MICAL3: variants seen among roughly 807,000 people sequenced by gnomAD.
MICAL3 encodes the protein microtubule associated monooxygenase, calponin and LIM domain containing 3.
In MICAL3, 62 loss-of-function variants were observed where a neutral mutation model predicts 207.4. The observed-to-expected ratio is 0.30, with a 90% CI of 0.24 to 0.37. The LOEUF (loss-of-function observed/expected upper bound fraction) is 0.37. Among genes scored for constraint, MICAL3 ranks in the 10% least tolerant of loss-of-function variants. The pLI is 1.00. For missense variants in MICAL3, 2,368 were observed against 2,635.6 expected, an observed-to-expected ratio of 0.90 and a Z score of 2.22; for synonymous variants, 1,077 against 1,069.3, an observed-to-expected ratio of 1.01 and a Z score of -0.14.
chr22:17,946,622 C>A (rs1406515824), intron 1 of MICAL3, among the ~76,000 whole-genome samples: 1 of 152,188 alleles, frequency 6.6e-6, no homozygotes, highest in East Asian at 1.9e-4. Context: ...GGACACATCC[C>A]CAAAGTACCA....
At chr22:17,885,216 T>C (rs1024705343) in intron 16 of MICAL3, among the ~76,000 whole-genome samples, 4 of 151,802 alleles carry the variant, frequency 2.6e-5, no homozygotes, top group Non-Finnish European at 5.9e-5. Flanking sequence ...CCTAGGAAAA[T>C]ATCCCGGGAA....
chr22:18,020,507 A>C (rs1034317198), intron 1 of MICAL3, among the ~76,000 whole-genome samples: 1 of 151,542 alleles, frequency 6.6e-6, no homozygotes, highest in Non-Finnish European at 1.5e-5. Flanking sequence ...TGTAATCATC[A>C]AAATATATTG....
At chr22:17,822,509 T>A (rs1921758908) in intron 23 of MICAL3, among the ~76,000 whole-genome samples, 1 of 152,232 alleles carries the variant, frequency 6.6e-6, no homozygotes, top group South Asian at 2.1e-4. Flanking sequence ...GGCCCACTTC[T>A]ATGCACCTCC....
chr22:18,018,768 C>CACACACACACACAAACACACA (rs1569169310), intron 1 of MICAL3, among the ~76,000 whole-genome samples: 2 of 138,286 alleles, frequency 1.4e-5, no homozygotes, highest in African/African-American at 5.3e-5. Context: ...ATCTATCTAT[C>CACACACACACACAAACACACA]TACACACACA....
intron 1 of MICAL3, among the ~76,000 whole-genome samples, chr22:17,972,002 A>C (rs932599131): frequency 1.3e-5 from 2 of 152,260 alleles, no homozygotes; most frequent in African/African-American, 2.4e-5. Context: ...AAGGCCAGGC[A>C]AGGCCTCTTA....
Position 17,866,126 on chromosome 22 carries a change from G to A in MICAL3, c.2429-114C>T, listed in dbSNP as rs1927081869. The A allele has an allele frequency of 3.9e-6, 3 of 770,804 alleles. No individual in the cohort carries two copies. In the South Asian group the frequency reaches 4.5e-5, roughly 11 times the overall value. 47.7% of individuals were successfully genotyped at this position (770,804 alleles called of 1,614,324 possible). Reference sequence around the variant, plus strand: ...TCCTCCAGCCTCACAAGGCCATCAAGCCACCCAGCCTTCCCTGGGCCCAGC... The same window carrying A: ...TCCTCCAGCCTCACAAGGCCATCAAACCACCCAGCCTTCCCTGGGCCCAGC... On this transcript the variant is annotated intron_variant, in intron 17 of 31. Transcript: ENST00000441493.
chr22:17,854,503 G>A (rs1260270556), intron 19 of MICAL3, among the ~76,000 whole-genome samples: 2 of 152,082 alleles, frequency 1.3e-5, no homozygotes, highest in Admixed American at 1.3e-4. Flanking sequence ...GTACATGGAG[G>A]ACCAACCGAG....
intron 16 of MICAL3, chr22:17,875,535 C>T (rs5992882): frequency 0.015 from 23,266 of 1,551,126 alleles, 238 homozygotes; most frequent in African/African-American, 0.047. Context: ...AAAAAATCGA[C>T]GAGGAGGTTC....
At chr22:17,848,377 A>ACAC (rs1417863439) in intron 19 of MICAL3, among the ~76,000 whole-genome samples, 1 of 152,246 alleles carries the variant, frequency 6.6e-6, no homozygotes, top group Non-Finnish European at 1.5e-5. Context: ...AACGGGGATG[A>ACAC]CACCACGTGA....
intron 1 of MICAL3, among the ~76,000 whole-genome samples, chr22:17,954,023 C>T (rs1381612997): frequency 1.4e-5 from 2 of 146,748 alleles, no homozygotes; most frequent in African/African-American, 5.0e-5. Flanking sequence ...AAACGGCATT[C>T]TGGGGAAGCA....
chr22:17,828,121 G>A (rs76327527), intron 21 of MICAL3, among the ~76,000 whole-genome samples: 1,890 of 152,284 alleles, frequency 0.012, 41 homozygotes, highest in African/African-American at 0.044. Context: ...CACCAAGATG[G>A]AAAAAGAGCA....
chr22:17,839,113 G>A (rs1022373166), intron 20 of MICAL3, among the ~76,000 whole-genome samples: 5 of 149,386 alleles, frequency 3.3e-5, no homozygotes, highest in African/African-American at 4.9e-5. Context: ...AGGCAGGTCC[G>A]GATAATTTTC....
At chr22:17,914,797 C>T (rs1258295021) in intron 1 of MICAL3, among the ~76,000 whole-genome samples, 1 of 152,224 alleles carries the variant, frequency 6.6e-6, no homozygotes. Context: ...GCAACTAAAA[C>T]AGTGCTAACA....
At position 17,808,862 on chromosome 22, in the gene MICAL3, C is replaced by A; in HGVS notation, c.5632G>T (p.Ala1878Ser). The part of the protein sequence containing the change: ...LEERGVAVEK[A>S]LRGEAGMGKK... ...GCAGTACCTGCTTCGCCCCGGAGCG[C>A]CTTCTCCACAGCCACGCCCCTTTCC... The change falls in exon 29 of 32, where the codon GCG (alanine) becomes TCG (serine). Residue 1878 changes from alanine to serine, a missense_variant. Around this residue, in one of 4 missense-constraint regions of MICAL3, gnomAD observed 1,770 missense variants for 1,863.2 expected, o/e 0.95. Coordinates refer to ENST00000441493, the MANE Select transcript of MICAL3 (RefSeq NM_015241.3). 1.3e-6 allele frequency: 2 copies of A among 1,553,034 alleles called. No homozygotes were observed. The highest frequency in any genetic ancestry group is 1.7e-6 in the Non-Finnish European group (2 of 1,148,044).
At chr22:17,989,684 G>C (rs1363545272) in intron 1 of MICAL3, among the ~76,000 whole-genome samples, 1 of 152,106 alleles carries the variant, frequency 6.6e-6, no homozygotes, top group African/African-American at 2.4e-5. Context: ...ATGGTCACAG[G>C]TTCAAACCCC....
chr22:17,930,851 A>G (rs955176265), intron 1 of MICAL3, among the ~76,000 whole-genome samples: 6 of 151,998 alleles, frequency 3.9e-5, no homozygotes, highest in Non-Finnish European at 7.4e-5. Context: ...AGCCTGCCCC[A>G]CTCTCCACAC....
intron 1 of MICAL3, among the ~76,000 whole-genome samples, chr22:17,994,499 G>A (rs527253677): frequency 2.1e-4 from 32 of 152,330 alleles, no homozygotes; most frequent in Non-Finnish European, 4.0e-4. Context: ...GATCACCTGA[G>A]CCCAGCAGTT....
At chr22:18,003,268 C>A (rs1462202068) in intron 1 of MICAL3, among the ~76,000 whole-genome samples, 2 of 152,000 alleles carry the variant, frequency 1.3e-5, no homozygotes, top group East Asian at 3.9e-4. Context: ...TGTCTTCTTT[C>A]TGGGTCCCTC....
Position 17,871,832 on chromosome 22 carries a change from C to T in MICAL3, c.2428+5G>A. On this transcript the variant is annotated splice_donor_5th_base_variant and intron_variant, in intron 17 of 31. Coordinates refer to ENST00000441493, the MANE Select transcript of MICAL3 (RefSeq NM_015241.3). Reference sequence around the variant, plus strand: ...CAGTGGGGCCGGAGGCGCAGGGTGTCTCACCATCCTCGATGTCGTAGGCGT... The same window carrying T: ...CAGTGGGGCCGGAGGCGCAGGGTGTTTCACCATCCTCGATGTCGTAGGCGT... 2 of 1,598,642 alleles carry T rather than the reference C, an allele frequency of 1.3e-6. No individual in the cohort carries two copies. The highest frequency in any genetic ancestry group is 1.7e-6 in the Non-Finnish European group (2 of 1,172,396).
Sources: allele counts gnomAD v4.1 joint callset (sites outside exome capture counted in the v4.1 genomes callset), GRCh38; gene constraint gnomAD v4.1.1; regional missense constraint gnomAD v4.1.1; transcripts MANE v1.5; gene names NCBI Gene and HGNC (gene_info 2026-07-23, HGNC 2026-07-21).